The following REV1 variants were observed in gnomAD, a reference collection of about 807,000 sequenced individuals.
REV1 encodes the protein translesion synthesis protein REV1.
REV1 carries 42 observed loss-of-function variants against 137.4 expected under a neutral mutation model. That is an observed-to-expected ratio of 0.31 (90% confidence interval 0.24 to 0.40). The LOEUF is 0.40. REV1 is among the 10% of genes least tolerant of loss of function. The probability of loss-of-function intolerance (pLI) is 1.00; values close to 1 mark genes in which losing one functional copy is unlikely to be tolerated. For missense variants in REV1, 1,282 were observed against 1,490.1 expected (o/e 0.86, Z 2.30); for synonymous variants, 524 against 519.2 (o/e 1.01, Z -0.12).
chr2:99,489,102 T>C (rs1687400905), intron 1 of REV1, among the ~76,000 whole-genome samples: 1 of 152,132 alleles, frequency 6.6e-6, no homozygotes, highest in Non-Finnish European at 1.5e-5. Context: ...CGCGGCTCGG[T>C]GCGCCCAGAG....
intron 17 of REV1, 84 bp downstream of exon 17, chr2:99,405,826 G>C (rs973600781): frequency 3.1e-6 from 3 of 968,968 alleles, no homozygotes; most frequent in Non-Finnish European, 4.2e-6. Flanking sequence ...AAATAAAAAT[G>C]CCATTTTCAT....
chr2:99,431,270 C>CTGCT (rs1680082492), intron 8 of REV1, among the ~76,000 whole-genome samples: 2 of 152,328 alleles, frequency 1.3e-5, no homozygotes, highest in South Asian at 4.1e-4. Flanking sequence ...TGCTTCAAAA[C>CTGCT]AGCAGAGTGT....
rs28369934 is a variant in REV1 at position 99,469,949 on chromosome 2, G to A, written c.-10-4964C>T. On this transcript the variant is annotated intron_variant, in intron 1 of 22. Coordinates refer to ENST00000258428, the MANE Select transcript of REV1 (RefSeq NM_016316.4). The stretch of plus-strand genomic sequence containing the variant: ...ATACTGGCTAAAACGGTGAAACCCC[G>A]TCTCTACTAAAAATACAAAAAATTA... 3.5e-4 allele frequency among the ~76,000 whole-genome samples: 53 copies of A among 151,952 alleles called. 2 individuals carry two copies. In the East Asian group the frequency reaches 4.7e-3, roughly 13 times the overall value.
chr2:99,482,010 C>G (rs1161741080), intron 1 of REV1, among the ~76,000 whole-genome samples: 2 of 152,212 alleles, frequency 1.3e-5, no homozygotes, highest in Non-Finnish European at 2.9e-5. Context: ...AACAGGGTGA[C>G]TCCCAGTAGG....
In REV1 at chr2:99,410,787, T is replaced by C; in HGVS notation, c.2253A>G (p.Lys751=). Residue 751 remains lysine, a synonymous_variant, in exon 14 of 23, where the codon AAA becomes AAG. Transcript: ENST00000258428. ...GTACCATGATTTTGAGAGTTAGACG[T>C]TTACCCTTCATGCCAGTGGCTTCTA... ...RRLEATGMKG[K]RLTLKIMVRK... The C allele has an allele frequency of 6.2e-7, 1 of 1,612,750 alleles. No individual in the cohort carries two copies. Among genetic ancestry groups the C allele is most frequent in the Non-Finnish European group, 8.5e-7 (1 of 1,179,630 alleles).
chr2:99,429,728 T>C, intron 9 of REV1, 112 bp downstream of exon 9: 2 of 679,604 alleles, frequency 2.9e-6, no homozygotes, highest in South Asian at 2.5e-5. Context: ...TAAAACCTCA[T>C]AACACGTCTG....
chr2:99,464,410 C>T (rs1371546054), intron 2 of REV1, among the ~76,000 whole-genome samples: 1 of 152,090 alleles, frequency 6.6e-6, no homozygotes, highest in African/African-American at 2.4e-5. Flanking sequence ...CTGGTATAAT[C>T]CTATTCATTA....
intron 1 of REV1, among the ~76,000 whole-genome samples, chr2:99,489,508 G>C (rs1045460944): frequency 7.3e-5 from 3 of 41,006 alleles, no homozygotes; most frequent in Non-Finnish European, 1.4e-4. Context: ...GCTGCGCCAG[G>C]GGTCGGCGCG....
At chr2:99,486,018 G>C (rs113350220) in intron 1 of REV1, among the ~76,000 whole-genome samples, 4 of 152,294 alleles carry the variant, frequency 2.6e-5, no homozygotes, top group South Asian at 2.1e-4. Context: ...CAGGCTACTC[G>C]AGCGCCTGAG....
intron 1 of REV1, among the ~76,000 whole-genome samples, chr2:99,469,716 A>G (rs1345354052): frequency 1.3e-5 from 2 of 152,098 alleles, no homozygotes; most frequent in African/African-American, 2.4e-5. Flanking sequence ...CATTTTTCCT[A>G]ATGTTTTATC....
intron 1 of REV1, among the ~76,000 whole-genome samples, chr2:99,489,059 CTG>C (rs28369928): frequency 2.6e-5 from 4 of 152,162 alleles, no homozygotes; most frequent in African/African-American, 9.7e-5. Flanking sequence ...TCTTTACAAA[CTG>C]AGAATAGGTA....
intron 3 of REV1, among the ~76,000 whole-genome samples, chr2:99,456,014 C>T (rs987015341): frequency 2.6e-5 from 4 of 152,132 alleles, no homozygotes; most frequent in African/African-American, 9.7e-5. Flanking sequence ...GTCCCAATCT[C>T]ACACCACTAA....
At chr2:99,413,014 A>C in intron 12 of REV1, 63 bp from the exon 13 acceptor site, 2 of 1,132,516 alleles carry the variant, frequency 1.8e-6, no homozygotes, top group South Asian at 2.5e-5. Flanking sequence ...TATTAACACA[A>C]AATACCCACC....
intron 10 of REV1, among the ~76,000 whole-genome samples, chr2:99,423,713 T>C (rs755268536): frequency 6.6e-6 from 1 of 152,216 alleles, no homozygotes; most frequent in Non-Finnish European, 1.5e-5. Flanking sequence ...TTTTGGCATA[T>C]CCAATGATTT....
intron 3 of REV1, chr2:99,451,542 C>T (rs995457873): frequency 1.1e-5 from 14 of 1,240,080 alleles, no homozygotes; most frequent in East Asian, 5.6e-5. Context: ...GGAATAAGAC[C>T]GATCTGAGTT....
intron 8 of REV1, among the ~76,000 whole-genome samples, chr2:99,432,125 T>A (rs1180462814): frequency 6.6e-6 from 1 of 152,108 alleles, no homozygotes; most frequent in Non-Finnish European, 1.5e-5. Flanking sequence ...AATGAGATCA[T>A]CAATGAGAAG....
intron 8 of REV1, among the ~76,000 whole-genome samples, chr2:99,431,478 T>C (rs1680116576): frequency 6.6e-6 from 1 of 152,084 alleles, no homozygotes; most frequent in African/African-American, 2.4e-5. Context: ...CAACAGAGGG[T>C]GCTACTAGAC....
intron 9 of REV1, chr2:99,424,880 G>T (rs905641643): frequency 1.2e-5 from 15 of 1,302,240 alleles, no homozygotes; most frequent in Non-Finnish European, 1.5e-5. Flanking sequence ...AGGAGCCAGG[G>T]TTCCAGAACT....
intron 12 of REV1, among the ~76,000 whole-genome samples, chr2:99,415,354 A>G (rs1677709685): frequency 6.6e-6 from 1 of 152,210 alleles, no homozygotes; most frequent in African/African-American, 2.4e-5. Flanking sequence ...CTCCTGGTCA[A>G]GCAACTGGGA....
Sources: allele counts gnomAD v4.1 joint callset (sites outside exome capture counted in the v4.1 genomes callset), GRCh38; gene constraint gnomAD v4.1.1; transcripts MANE v1.5; gene names NCBI Gene and HGNC (gene_info 2026-07-23, HGNC 2026-07-21).